Variants in PKHD1L1 observed in about 807,000 individuals in gnomAD.
PKHD1L1 encodes the protein PKHD1 like 1.
PKHD1L1 carries 434 observed loss-of-function variants against 462.9 expected under a neutral mutation model. That is an observed-to-expected ratio of 0.94 (90% CI 0.87 to 1.02). PKHD1L1 has a LOEUF of 1.02. Among genes scored for constraint, PKHD1L1 ranks in the 50% least tolerant of loss-of-function variants. The pLI, the probability that PKHD1L1 is intolerant of heterozygous loss-of-function variation, is 0.00. For missense variants in PKHD1L1, 5,202 were observed against 5,096.1 expected (o/e 1.02, Z -0.63); for synonymous variants, 1,781 against 1,750.0 (o/e 1.02, Z -0.44).
chr8:109,411,401 A>G (rs952879615), intron 19 of PKHD1L1, among the ~76,000 whole-genome samples: 2 of 152,190 alleles, frequency 1.3e-5, no homozygotes, highest in African/African-American at 4.8e-5. Context: ...AATATCTCTC[A>G]TGATACTTTT....
rs73309320 is a variant in PKHD1L1, at chr8:109,456,288, C to T, written c.6901C>T (p.Arg2301Cys). The T allele has an allele frequency of 2.2e-4, 347 of 1,612,748 alleles. No homozygotes were observed. In the African/African-American group the frequency reaches 3.1e-3, roughly 14 times the overall value. ...HGVPVPVTWT[R>C]LAHTAKAGER... ...TGTGCCTGTTCCTGTGACCTGGACT[C>T]GCTTGGCTCATACTGCAAAGGCAGG... The change falls in exon 46 of 78, where the codon CGC becomes TGC. Residue 2301 changes from arginine to cysteine, a missense_variant. Arg to Cys is a radical substitution (Grantham distance 180, BLOSUM62 -3). Around this residue, in one of 3 missense-constraint regions of PKHD1L1, gnomAD observed 4,497 missense variants for 4,336.8 expected, o/e 1.04. Coordinates refer to ENST00000378402, the MANE Select transcript of PKHD1L1 (RefSeq NM_177531.6).
Position 109,394,672 on chromosome 8 carries a change from C to A in PKHD1L1, c.811+187C>A, listed in dbSNP as rs373327975. ...ACATTAAGCATGACCTCCCCCACAGCAGACAATATTCTTAGTTTAAGATTG... is the reference window on the plus strand; with the variant it reads ...ACATTAAGCATGACCTCCCCCACAGAAGACAATATTCTTAGTTTAAGATTG... On this transcript the variant is annotated intron_variant, in intron 10 of 77. Coordinates refer to ENST00000378402, the MANE Select transcript of PKHD1L1 (RefSeq NM_177531.6). Among the ~76,000 whole-genome samples the A allele has an allele frequency of 2.0e-5, 3 of 152,250 alleles. 1 individual carries two copies.
chr8:109,465,306 A>T, intron 49 of PKHD1L1, 61 bp downstream of exon 49: 3 of 1,525,720 alleles, frequency 2.0e-6, no homozygotes, highest in Non-Finnish European at 2.7e-6. Context: ...GTTAGCACAG[A>T]ATTGAATTGT....
chr8:109,442,540 T>C (rs1489436818), intron 35 of PKHD1L1, among the ~76,000 whole-genome samples: 1 of 152,188 alleles, frequency 6.6e-6, no homozygotes, highest in African/African-American at 2.4e-5. Flanking sequence ...CTGAAATCAA[T>C]TTAAAATCAG....
intron 59 of PKHD1L1, among the ~76,000 whole-genome samples, chr8:109,487,890 G>GAGGAAGGAAGGAAGGA (rs10661778): frequency 0.1 from 6,908 of 69,116 alleles, 642 homozygotes; most frequent in Non-Finnish European, 0.12. Flanking sequence ...GAGAGAGAGA[G>GAGGAAGGAAGGAAGGA]AGGAAGGAAG....
Position 109,475,114 on chromosome 8 carries a change from A to G in PKHD1L1, c.8606-4A>G, listed in dbSNP as rs1223651680. 3.7e-6 allele frequency: 6 copies of G among 1,605,492 alleles called. No homozygotes were observed. Among genetic ancestry groups the G allele is most frequent in the Non-Finnish European group, 5.1e-6 (6 of 1,176,802 alleles). On this transcript the variant is annotated splice_region_variant and splice_polypyrimidine_tract_variant and intron_variant, in intron 50 of 77. Coordinates refer to ENST00000378402, the MANE Select transcript of PKHD1L1 (RefSeq NM_177531.6). The stretch of plus-strand genomic sequence containing the variant: ...TTATTTTCTTGTTCTATGTTCTCCT[A>G]TAGGCACAAGCATTATTCCATTTCA...
intron 50 of PKHD1L1, chr8:109,470,273 A>G (rs1233416533): frequency 8.4e-5 from 122 of 1,444,508 alleles, no homozygotes; most frequent in Non-Finnish European, 1.1e-4. Context: ...TGTGATCTGG[A>G]GTGTAGCCAT....
chr8:109,497,583 C>T (rs562314648), intron 65 of PKHD1L1, among the ~76,000 whole-genome samples: 6 of 152,058 alleles, frequency 3.9e-5, no homozygotes, highest in African/African-American at 1.2e-4. Context: ...CCCGCCACCA[C>T]GCCTGGCTAA....
At chr8:109,476,691 A>C in intron 52 of PKHD1L1, 24 bp downstream of exon 52, 4 of 1,565,476 alleles carry the variant, frequency 2.6e-6, no homozygotes, top group Non-Finnish European at 3.5e-6. Context: ...GGCAGAAATG[A>C]TAGTTTATCT....
chr8:109,451,457 A>G (rs1816495675), intron 41 of PKHD1L1, among the ~76,000 whole-genome samples: 1 of 152,188 alleles, frequency 6.6e-6, no homozygotes, highest in Non-Finnish European at 1.5e-5. Context: ...ATGTAGCATC[A>G]CAAATATAAA....
At chr8:109,443,973 G>T (rs1815966682) in intron 37 of PKHD1L1, 71 bp downstream of exon 37, 1 of 1,323,612 alleles carries the variant, frequency 7.6e-7, no homozygotes. Flanking sequence ...CGATAACCTT[G>T]TTATTTAATT....
In PKHD1L1 at chr8:109,475,236, C is replaced by A; in HGVS notation, c.8724C>A (p.Asn2908Lys). The part of the protein sequence containing the change: ...WYFKGVDHIT[N>K]ISYTSTFYGF... ...TTAAAGGTGTGGATCACATAACCAA[C>A]ATTTCATATACATCGACATTCTATG... Residue 2908 changes from asparagine to lysine, a missense_variant, in exon 51 of 78, where the codon AAC (asparagine) becomes AAA (lysine). By Grantham distance (94) the Asn-to-Lys change is moderately conservative (BLOSUM62 0). Coordinates refer to ENST00000378402, the MANE Select transcript of PKHD1L1 (RefSeq NM_177531.6). The A allele has an allele frequency of 6.2e-7, 1 of 1,609,734 alleles. No homozygotes were observed. The highest frequency in any genetic ancestry group is 2.2e-5 in the East Asian group (1 of 44,710).
At chr8:109,501,423 C>T (rs1819408011) in intron 67 of PKHD1L1, among the ~76,000 whole-genome samples, 1 of 152,068 alleles carries the variant, frequency 6.6e-6, no homozygotes, top group South Asian at 2.1e-4. Context: ...TAACTGAAGC[C>T]CTATAAGAAA....
rs1459042850 is a variant in PKHD1L1 at position 109,532,352 on chromosome 8, A to C, written c.*2262A>C. On this transcript the variant is annotated 3_prime_UTR_variant, in exon 78 of 78. Coordinates refer to ENST00000378402, the MANE Select transcript of PKHD1L1 (RefSeq NM_177531.6). Reference sequence around the variant, plus strand: ...AATTCCTTATTCCAGATAAATTACAATTTAATTACTACTTTTAAAAATGCT... The same window carrying C: ...AATTCCTTATTCCAGATAAATTACACTTTAATTACTACTTTTAAAAATGCT... Among the ~76,000 whole-genome samples the C allele has an allele frequency of 6.6e-6, 1 of 152,146 alleles. No individual in the cohort carries two copies. Among genetic ancestry groups the C allele is most frequent in the Non-Finnish European group, 1.5e-5 (1 of 68,018 alleles).
Position 109,388,541 on chromosome 8 carries a change from C to A in PKHD1L1, c.614C>A (p.Ser205Tyr), listed in dbSNP as rs549840846. 6.6e-6 allele frequency: 10 copies of A among 1,510,548 alleles called. No individual in the cohort carries two copies. Among genetic ancestry groups the A allele is most frequent in the Middle Eastern group, 3.4e-4 (2 of 5,916 alleles). The allele number at this position is 1,510,548 out of a possible 1,614,324, so 93.6% of individuals were successfully genotyped here. The change falls in exon 7 of 78, where the codon TCT (serine) becomes TAT (tyrosine). Residue 205 changes from serine (S) to tyrosine (Y), a missense_variant. Ser to Tyr is a moderately radical substitution (Grantham distance 144). Transcript: ENST00000378402. ...GMPCELLIPQ[S>Y]DNLYGLKLDH... ...CCCTGTGAGCTTCTCATACCACAAT[C>A]TGATAATTTGTAAGTAATTCAAATT...
chr8:109,429,883 T>C (rs1814993578), intron 26 of PKHD1L1, 49 bp from the exon 27 acceptor site: 14 of 1,217,516 alleles, frequency 1.1e-5, no homozygotes, highest in Non-Finnish European at 1.6e-5. Flanking sequence ...CATATTCTAC[T>C]GCTGCCTCTT....
intron 58 of PKHD1L1, among the ~76,000 whole-genome samples, chr8:109,486,376 C>T (rs1016318604): frequency 6.6e-6 from 1 of 151,912 alleles, no homozygotes; most frequent in Non-Finnish European, 1.5e-5. Context: ...ATACTACCTT[C>T]AAGATTTGTT....
rs1054395867 is a variant in PKHD1L1, at chr8:109,470,300, C to T, written c.8605+3531C>T. On this transcript the variant is annotated intron_variant, in intron 50 of 77. Coordinates refer to ENST00000378402, the MANE Select transcript of PKHD1L1 (RefSeq NM_177531.6). ...TGTAGCCATACTTGTAACTGCAAAA[C>T]GAGGTCATCATCATATTTAGATAAC... is the stretch of plus-strand genomic sequence containing the variant. 38 of 1,481,764 alleles carry T rather than the reference C, an allele frequency of 2.6e-5. No homozygotes were observed. The Middle Eastern group carries it at 1.9e-3, about 75-fold the overall frequency. 91.8% of individuals were successfully genotyped at this position (1,481,764 alleles called of 1,614,324 possible). A position where few individuals can be genotyped will look rare whatever the true frequency, so the allele number is the denominator to read the frequency against.
At chr8:109,500,494 G>T (rs1169319105) in intron 67 of PKHD1L1, among the ~76,000 whole-genome samples, 4 of 142,388 alleles carry the variant, frequency 2.8e-5, no homozygotes, top group Non-Finnish European at 6.0e-5. Context: ...GGCCAACATG[G>T]TGAAACCCCG....
Sources: gnomAD v4.1 joint callset for allele counts (sites outside exome capture counted in the v4.1 genomes callset) on GRCh38, gnomAD v4.1.1 for gene constraint, gnomAD v4.1.1 regional missense constraint, MANE v1.5 for transcripts, NCBI Gene and HGNC (gene_info 2026-07-23, HGNC 2026-07-21) for gene names.